ADAMTSL2: variants seen among roughly 807,000 people sequenced by gnomAD.
ADAMTSL2 encodes the protein ADAMTS-like protein 2.
ADAMTSL2 carries 55 observed loss-of-function variants against 117.0 expected under a neutral mutation model. The ratio of observed to expected loss-of-function variants is 0.47; its 90% CI spans 0.38 to 0.59. ADAMTSL2 has a LOEUF of 0.59. Ranked by LOEUF, ADAMTSL2 falls within the 20% of genes least tolerant of loss-of-function variation. The pLI is 0.00. For synonymous variants in ADAMTSL2, 572 were observed against 566.4 expected, an observed-to-expected ratio of 1.01 and a Z score of -0.14; for missense variants, 1,182 against 1,354.5, an observed-to-expected ratio of 0.87 and a Z score of 2.00.
chr9:133,534,777 G>A lies in ADAMTSL2; in HGVS notation c.-291G>A, dbSNP rs1380658759. On this transcript the variant is annotated 5_prime_UTR_variant, in exon 1 of 19. Coordinates refer to ENST00000651351, the MANE Select transcript of ADAMTSL2 (RefSeq NM_014694.4). ...AGTGGGAGAGGGAGGCGGCGCGGGG[G>A]AGGAGGGGAAGGGGAGAGGGAGGCC... The A allele has an allele frequency of 6.8e-7, 1 of 1,472,422 alleles. No individual in the cohort carries two copies. The highest frequency in any genetic ancestry group is 9.0e-7 in the Non-Finnish European group (1 of 1,106,208). 91.2% of individuals were successfully genotyped at this position (1,472,422 alleles called of 1,614,324 possible).
At chr9:133,546,030 A>G (rs1166683998) in intron 8 of ADAMTSL2, among the ~76,000 whole-genome samples, 7 of 151,964 alleles carry the variant, frequency 4.6e-5, no homozygotes, top group African/African-American at 1.7e-4. Context: ...TGGAAGCCGA[A>G]CTCCTCTTCT....
At chr9:133,564,641 G>GGGAGAGAGAGAGAGAGA (rs1564179074) in intron 12 of ADAMTSL2, among the ~76,000 whole-genome samples, 5 of 13,094 alleles carry the variant, frequency 3.8e-4, no homozygotes, top group South Asian at 3.2e-3. Context: ...AGAGAGAGAG[G>GGGAGAGAGAGAGAGAGA]GAGAGAGGGA....
At position 133,568,754 on chromosome 9, in the gene ADAMTSL2, G is replaced by T; in HGVS notation, c.2240G>T (p.Gly747Val). The part of the protein sequence containing the change: ...CDRQWTVSDW[G>V]PCSGSCGQGR... ...CGGCAGTGGACCGTCTCCGACTGGG[G>T]ACCGGTGAGGCCTGCACTGAGGGGT... The change falls in exon 15 of 19, where the codon GGA (glycine) becomes GTA (valine). Residue 747 changes from glycine (G) to valine (V), a missense_variant. This residue lies in a region of ADAMTSL2 where 465 missense variants were observed against 565.3 expected (regional missense o/e 0.82). Transcript: ENST00000651351. The T allele has an allele frequency of 1.2e-6, 2 of 1,613,022 alleles. No homozygotes were observed. Among genetic ancestry groups the T allele is most frequent in the Non-Finnish European group, 1.7e-6 (2 of 1,179,990 alleles).
chr9:133,539,663 C>A, intron 4 of ADAMTSL2, 108 bp from the exon 5 acceptor site: 1 of 1,112,752 alleles, frequency 9.0e-7, no homozygotes, highest in Non-Finnish European at 1.3e-6. Flanking sequence ...ACGGCTGTCC[C>A]GGCTGTCCCG....
intron 17 of ADAMTSL2, among the ~76,000 whole-genome samples, chr9:133,571,331 C>T (rs1831101514): frequency 6.6e-6 from 1 of 152,160 alleles, no homozygotes. Flanking sequence ...TAGAGTGAAA[C>T]CCAGGTGGGG....
chr9:133,533,863 C>T (rs9696458), upstream of ADAMTSL2, among the ~76,000 whole-genome samples: 52,285 of 152,054 alleles, frequency 0.34, 9,395 homozygotes, highest in South Asian at 0.47. Context: ...CCTCTGTTTG[C>T]CGAGGATGGG....
At chr9:133,574,076 T>C in intron 18 of ADAMTSL2, 89 bp downstream of exon 18, 1 of 1,504,106 alleles carries the variant, frequency 6.6e-7, no homozygotes, top group Admixed American at 2.0e-5. Context: ...CAGACATTGC[T>C]CACCTTGATG....
chr9:133,562,529 C>T (rs1434829572), intron 12 of ADAMTSL2, among the ~76,000 whole-genome samples: 2 of 128,572 alleles, frequency 1.6e-5, no homozygotes, highest in Admixed American at 7.4e-5. Flanking sequence ...GGCGGGCACC[C>T]GGCTGGGCCC....
chr9:133,539,817 C>T lies in ADAMTSL2; in HGVS notation c.356C>T (p.Ser119Phe). 3 of 1,551,030 alleles carry T rather than the reference C, an allele frequency of 1.9e-6. No individual in the cohort carries two copies. Among genetic ancestry groups the T allele is most frequent in the Non-Finnish European group, 2.6e-6 (3 of 1,147,014 alleles). ...GRSFREEQCV[S>F]FNSHVYNGRT... ...AGCTTCCGCGAGGAGCAGTGCGTCT[C>T]CTTCAACTCCCACGTGTACAACGGG... Residue 119 changes from serine to phenylalanine, a missense_variant, in exon 5 of 19, where the codon TCC becomes TTC. By Grantham distance (155) the Ser-to-Phe change is radical (BLOSUM62 -2). This residue lies in a region of ADAMTSL2 where 372 missense variants were observed against 463.4 expected (regional missense o/e 0.80). Transcript: ENST00000651351.
intron 11 of ADAMTSL2, 56 bp downstream of exon 11, chr9:133,555,986 G>A (rs1473069254): frequency 1.9e-5 from 30 of 1,587,998 alleles, no homozygotes; most frequent in Admixed American, 3.4e-5. Context: ...GGATGGGGCC[G>A]AGGCCAGGTA....
upstream of ADAMTSL2, among the ~76,000 whole-genome samples, chr9:133,533,440 G>A (rs773344149): frequency 3.9e-5 from 6 of 152,226 alleles, no homozygotes; most frequent in Non-Finnish European, 7.3e-5. Flanking sequence ...ACACTCAGGA[G>A]CGCTGGCATC....
chr9:133,569,471 C>T lies in ADAMTSL2; in HGVS notation c.2308C>T (p.Arg770Trp), dbSNP rs1831054952. The T allele has an allele frequency of 1.9e-5, 30 of 1,613,452 alleles. No individual in the cohort carries two copies. The highest frequency in any genetic ancestry group is 1.4e-4 in the South Asian group (13 of 91,030). ...CGTGTACTGCAAGACCAGCGACGGA[C>T]GGGTAGTACCTGAGTCCCAGTGCCA... ...RHVYCKTSDG[R>W]VVPESQCQME... The change falls in exon 16 of 19, where the codon CGG (arginine) becomes TGG (tryptophan). Residue 770 changes from arginine to tryptophan, a missense_variant. This residue lies in a region of ADAMTSL2 where 465 missense variants were observed against 565.3 expected (regional missense o/e 0.82). Transcript: ENST00000651351.
intron 7 of ADAMTSL2, among the ~76,000 whole-genome samples, chr9:133,541,993 A>G (rs1171875334): frequency 6.6e-6 from 1 of 152,202 alleles, no homozygotes; most frequent in Non-Finnish European, 1.5e-5. Flanking sequence ...CCCACTTAGC[A>G]GATGGGGAAA....
Position 133,568,306 on chromosome 9 carries a change from CA to C in ADAMTSL2, c.1909del (p.Thr637ProfsTer71). The C allele has an allele frequency of 6.3e-7, 1 of 1,577,192 alleles. No homozygotes were observed. The highest frequency in any genetic ancestry group is 8.6e-7 in the Non-Finnish European group (1 of 1,162,568). On this transcript the variant is annotated frameshift_variant, in exon 14 of 19. Transcript: ENST00000651351. LOFTEE classifies it high-confidence loss of function. ...CGAGCAGCTGGAGCGAGTGTTCGCGCACCTGCGGAGAGGGCTACCAGTTCCG... is the reference window on the plus strand; with the variant it reads ...CGAGCAGCTGGAGCGAGTGTTCGCGCCCTGCGGAGAGGGCTACCAGTTCCG... ...ETSSWSECSR[T>X]CGEGYQFRVV...
Position 133,547,183 on chromosome 9 carries a change from G to A in ADAMTSL2, c.909G>A (p.Gln303=), listed in dbSNP as rs1451332861. 4.3e-6 allele frequency: 7 copies of A among 1,613,828 alleles called. No individual in the cohort carries two copies. Among genetic ancestry groups the A allele is most frequent in the East Asian group, 2.2e-5 (1 of 44,902 alleles). ...CCGGAATCGAGTACATCGTGGCACA[G>A]GGGCCCACCAACCAGGGCCTGAATG... is the stretch of plus-strand genomic sequence containing the variant. ...YETGIEYIVA[Q]GPTNQGLNVM... Residue 303 remains glutamine, a synonymous_variant, in exon 9 of 19, where the codon CAG becomes CAA. Coordinates refer to ENST00000651351, the MANE Select transcript of ADAMTSL2 (RefSeq NM_014694.4).
Position 133,568,435 on chromosome 9 carries a change from C to T in ADAMTSL2, c.2037C>T (p.Thr679=). The T allele has an allele frequency of 1.2e-6, 2 of 1,609,104 alleles. No individual in the cohort carries two copies. Among genetic ancestry groups the T allele is most frequent in the South Asian group, 2.2e-5 (2 of 90,358 alleles). The part of the protein sequence containing the change: ...AEAVRPEERK[T]CRNPACGPQW... The stretch of plus-strand genomic sequence containing the variant: ...CCGTGCGGCCCGAGGAACGCAAGAC[C>T]TGCCGGAACCCCGCCTGCGGGCCCC... The change falls in exon 14 of 19, where the codon ACC becomes ACT. Residue 679 remains threonine (T), a synonymous_variant. Transcript: ENST00000651351.
At chr9:133,550,321 C>A (rs1482624084) in intron 9 of ADAMTSL2, among the ~76,000 whole-genome samples, 2 of 152,176 alleles carry the variant, frequency 1.3e-5, no homozygotes, top group African/African-American at 4.8e-5. Flanking sequence ...TGCCTTTCAG[C>A]TGGCACTGTG....
chr9:133,568,492 TG>T lies in ADAMTSL2; in HGVS notation c.2088+7del. On this transcript the variant is annotated splice_region_variant and intron_variant, in intron 14 of 18. Coordinates refer to ENST00000651351, the MANE Select transcript of ADAMTSL2 (RefSeq NM_014694.4). ...AGATGTCGGAGTGGTCCGAGGTGAGTGCCTGCGGGAGCAAGCCGGGGGTCGG... is the reference window on the plus strand; with the variant it reads ...AGATGTCGGAGTGGTCCGAGGTGAGTCCTGCGGGAGCAAGCCGGGGGTCGG... 6.3e-7 allele frequency: 1 copy of T among 1,597,620 alleles called. No homozygotes were observed. The highest frequency in any genetic ancestry group is 1.1e-5 in the South Asian group (1 of 88,676).
chr9:133,533,417 A>C (rs1255900369), upstream of ADAMTSL2, among the ~76,000 whole-genome samples: 1 of 152,196 alleles, frequency 6.6e-6, no homozygotes, highest in Non-Finnish European at 1.5e-5. Flanking sequence ...AACCCGGCAG[A>C]GGAGAGAACC....
Sources: gnomAD v4.1 joint callset for allele counts (sites outside exome capture counted in the v4.1 genomes callset) on GRCh38, gnomAD v4.1.1 for gene constraint, gnomAD v4.1.1 regional missense constraint, MANE v1.5 for transcripts, NCBI Gene and HGNC (gene_info 2026-07-23, HGNC 2026-07-21) for gene names.